The following OTUD7A variants were observed in gnomAD, a reference collection of about 807,000 sequenced individuals.
OTUD7A encodes the protein OTU domain-containing protein 7A.
OTUD7A carries 12 observed loss-of-function variants against 65.7 expected under a neutral mutation model. That is an observed-to-expected ratio of 0.18 (90% CI 0.12 to 0.30). OTUD7A has a LOEUF of 0.30. Ranked by LOEUF, OTUD7A falls within the 10% of genes least tolerant of loss-of-function variation. The pLI, the probability that OTUD7A is intolerant of heterozygous loss-of-function variation, is 1.00. For synonymous variants in OTUD7A, 641 were observed against 586.3 expected (o/e 1.09, Z -1.35); for missense variants, 1,148 against 1,304.8 (o/e 0.88, Z 1.85).
chr15:31,523,439 G>A (rs1359326397), intron 8 of OTUD7A, among the ~76,000 whole-genome samples: 2 of 152,178 alleles, frequency 1.3e-5, no homozygotes, highest in Non-Finnish European at 2.9e-5. Flanking sequence ...TGTGTCCTTA[G>A]GTCCCTGGGC....
chr15:31,569,716 G>C (rs1012620941), intron 4 of OTUD7A, among the ~76,000 whole-genome samples: 1 of 152,238 alleles, frequency 6.6e-6, no homozygotes, highest in South Asian at 2.1e-4. Flanking sequence ...GAAAGAACTA[G>C]AGATGTTTGG....
chr15:31,509,453 G>A (rs2041642350), intron 8 of OTUD7A, among the ~76,000 whole-genome samples: 1 of 151,708 alleles, frequency 6.6e-6, no homozygotes, highest in Admixed American at 6.6e-5. Flanking sequence ...TATTTTTTTT[G>A]TATTTTTAGT....
intron 5 of OTUD7A, among the ~76,000 whole-genome samples, chr15:31,535,228 G>T (rs900326282): frequency 6.6e-6 from 1 of 152,146 alleles, no homozygotes; most frequent in Non-Finnish European, 1.5e-5. Flanking sequence ...CATGGAGGCG[G>T]TTTCCCCCAT....
intron 3 of OTUD7A, among the ~76,000 whole-genome samples, chr15:31,633,106 C>T (rs1044527928): frequency 2.1e-4 from 32 of 152,346 alleles, no homozygotes; most frequent in African/African-American, 2.6e-4. Flanking sequence ...CTTCGGCCCA[C>T]GCACAGTGCG....
intron 1 of OTUD7A, among the ~76,000 whole-genome samples, chr15:31,710,735 G>C (rs1317512520): frequency 6.6e-6 from 1 of 152,258 alleles, no homozygotes; most frequent in African/African-American, 2.4e-5. Flanking sequence ...ATCCATTATT[G>C]AAAGTGGAAT....
intron 1 of OTUD7A, among the ~76,000 whole-genome samples, chr15:31,662,874 A>T (rs1892204005): frequency 6.6e-6 from 1 of 152,230 alleles, no homozygotes; most frequent in Non-Finnish European, 1.5e-5. Flanking sequence ...TAAAATCAGG[A>T]ATGATAGCAT....
chr15:31,772,391 A>C (rs1212563552), intron 1 of OTUD7A, among the ~76,000 whole-genome samples: 1 of 151,754 alleles, frequency 6.6e-6, no homozygotes, highest in East Asian at 1.9e-4. Flanking sequence ...CATTTGCATA[A>C]TCCCTGACAG....
At chr15:31,804,944 A>G (rs1349634872) in intron 1 of OTUD7A, among the ~76,000 whole-genome samples, 3 of 152,236 alleles carry the variant, frequency 2.0e-5, no homozygotes, top group South Asian at 2.1e-4. Context: ...GGTACAGCAC[A>G]TAATAACATC....
chr15:31,757,591 C>T (rs16955863), intron 1 of OTUD7A, among the ~76,000 whole-genome samples: 11,311 of 152,098 alleles, frequency 0.074, 1,015 homozygotes, highest in African/African-American at 0.22. Flanking sequence ...CCAGCCGCAA[C>T]GTATTCCCAT....
intron 1 of OTUD7A, among the ~76,000 whole-genome samples, chr15:31,771,830 A>G (rs1454604313): frequency 6.6e-6 from 1 of 152,092 alleles, no homozygotes; most frequent in African/African-American, 2.4e-5. Flanking sequence ...TTGGCCTTAG[A>G]GCCTGCCAAA....
intron 4 of OTUD7A, among the ~76,000 whole-genome samples, chr15:31,563,305 G>A (rs1485954575): frequency 6.6e-6 from 1 of 152,244 alleles, no homozygotes; most frequent in Non-Finnish European, 1.5e-5. Flanking sequence ...ACCGTGTGGT[G>A]TAGTCAAGGA....
chr15:31,791,805 T>C (rs1483696715), intron 1 of OTUD7A, among the ~76,000 whole-genome samples: 1 of 152,144 alleles, frequency 6.6e-6, no homozygotes, highest in African/African-American at 2.4e-5. Flanking sequence ...TCCTCCTCCT[T>C]CATCACTGGC....
rs573774070 is a variant in OTUD7A at position 31,596,920 on chromosome 15, C to G, written c.152-26723G>C. 4.0e-5 allele frequency among the ~76,000 whole-genome samples: 6 copies of G among 151,788 alleles called. No homozygotes were observed. In the East Asian group the frequency reaches 1.2e-3, roughly 29 times the overall value. On this transcript the variant is annotated intron_variant, in intron 3 of 12. Transcript: ENST00000307050. ...TATTATTTCCCAGTTTGTGGCTTAC[C>G]TATTTATTTTATTTTATTTATTAAG... is the stretch of plus-strand genomic sequence containing the variant.
At chr15:31,827,398 TG>T in intron 1 of OTUD7A, among the ~76,000 whole-genome samples, 1 of 152,280 alleles carries the variant, frequency 6.6e-6, no homozygotes, top group East Asian at 1.9e-4. Context: ...GTGAACAGTA[TG>T]AGGGAAACCA....
chr15:31,639,651 G>A (rs993083139), intron 3 of OTUD7A, among the ~76,000 whole-genome samples: 21 of 151,864 alleles, frequency 1.4e-4, no homozygotes, highest in African/African-American at 4.1e-4. Context: ...AAATTTACCA[G>A]TTTTTCCACA....
At chr15:31,860,414 A>C (rs1166847438) in intron 1 of OTUD7A, among the ~76,000 whole-genome samples, 1 of 151,870 alleles carries the variant, frequency 6.6e-6, no homozygotes, top group African/African-American at 2.4e-5. Flanking sequence ...TTCTAATTTT[A>C]ATTCCCATAG....
intron 1 of OTUD7A, among the ~76,000 whole-genome samples, chr15:31,693,262 A>C (rs1023646703): frequency 6.6e-6 from 1 of 152,238 alleles, no homozygotes; most frequent in East Asian, 1.9e-4. Context: ...TTTGTACTCT[A>C]AGATACTGTA....
intron 1 of OTUD7A, among the ~76,000 whole-genome samples, chr15:31,853,565 G>A (rs1350262120): frequency 6.6e-6 from 1 of 152,206 alleles, no homozygotes; most frequent in African/African-American, 2.4e-5. Context: ...CAATGTGGTT[G>A]GTCATGAAAG....
chr15:31,657,641 G>A (rs1166474465), intron 1 of OTUD7A, among the ~76,000 whole-genome samples: 2 of 152,022 alleles, frequency 1.3e-5, no homozygotes, highest in East Asian at 1.9e-4. Flanking sequence ...GATTGCAGGC[G>A]TGAGCCACCA....
Sources: allele counts gnomAD v4.1 joint callset (sites outside exome capture counted in the v4.1 genomes callset), GRCh38; gene constraint gnomAD v4.1.1; transcripts MANE v1.5; gene names NCBI Gene and HGNC (gene_info 2026-07-23, HGNC 2026-07-21).